The following FMN2 variants were observed in gnomAD, a reference collection of about 807,000 sequenced individuals.
The protein encoded by FMN2 is formin-2.
Under a neutral mutation model 142.3 loss-of-function variants are expected in FMN2, and 51 were observed. The ratio of observed to expected loss-of-function variants is 0.36; its 90% CI spans 0.29 to 0.45. The LOEUF (loss-of-function observed/expected upper bound fraction) is 0.45, where lower values mean the gene tolerates loss of function less well. Ranked by LOEUF, FMN2 falls within the 20% of genes least tolerant of loss-of-function variation. The pLI, the probability that FMN2 is intolerant of heterozygous loss-of-function variation, is 1.00. For synonymous variants in FMN2, 882 were observed against 869.8 expected (o/e 1.01, Z -0.25); for missense variants, 1,936 against 2,122.8 (o/e 0.91, Z 1.73).
At chr1:240,221,458 C>G (rs574724812) in intron 6 of FMN2, among the ~76,000 whole-genome samples, 1 of 152,176 alleles carries the variant, frequency 6.6e-6, no homozygotes, top group African/African-American at 2.4e-5. Flanking sequence ...TTGCATTTCT[C>G]TAATGACCAG....
chr1:240,430,950 C>T (rs1396022994), intron 15 of FMN2, among the ~76,000 whole-genome samples: 1 of 146,456 alleles, frequency 6.8e-6, no homozygotes, highest in African/African-American at 2.6e-5. Context: ...TACATTTTTA[C>T]ATAAATTTTA....
At chr1:240,110,030 C>A (rs1032479713) in intron 1 of FMN2, among the ~76,000 whole-genome samples, 3 of 152,124 alleles carry the variant, frequency 2.0e-5, no homozygotes, top group African/African-American at 7.2e-5. Flanking sequence ...TTAATTAAGG[C>A]AGTGTGTTCT....
chr1:240,359,337 A>G (rs914555914), intron 14 of FMN2, among the ~76,000 whole-genome samples: 2 of 152,204 alleles, frequency 1.3e-5, no homozygotes, highest in Non-Finnish European at 2.9e-5. Context: ...ATTCATTTAT[A>G]TGGGTATGAT....
intron 1 of FMN2, among the ~76,000 whole-genome samples, chr1:240,121,386 T>A (rs926881726): frequency 1.1e-4 from 16 of 150,824 alleles, no homozygotes; most frequent in East Asian, 3.9e-4. Context: ...TTTTTATTTT[T>A]TTTTTTTTGA....
chr1:240,269,298 G>A (rs951841857), intron 7 of FMN2, among the ~76,000 whole-genome samples: 3 of 151,832 alleles, frequency 2.0e-5, no homozygotes, highest in Admixed American at 6.6e-5. Flanking sequence ...TATTAAATAG[G>A]CTGTCCTTTC....
At chr1:240,374,194 T>G (rs746025684) in intron 14 of FMN2, among the ~76,000 whole-genome samples, 1 of 152,180 alleles carries the variant, frequency 6.6e-6, no homozygotes, top group Non-Finnish European at 1.5e-5. Flanking sequence ...CATCCAGGCT[T>G]TGTTCTTCCA....
intron 8 of FMN2, among the ~76,000 whole-genome samples, chr1:240,323,029 T>A (rs1332864450): frequency 6.6e-6 from 1 of 152,152 alleles, no homozygotes; most frequent in Non-Finnish European, 1.5e-5. Context: ...GGCTGGTTCA[T>A]CATTGTTGAA....
At position 240,151,915 on chromosome 1, in the gene FMN2, C is replaced by T. The variant is rs181138046; in HGVS notation, c.1783-26006C>T. On this transcript the variant is annotated intron_variant, in intron 2 of 17. Transcript: ENST00000319653. Reference sequence around the variant, plus strand: ...CCTAGTAGCTGGGACTGCAGATGTGCACCACCTAGCCAATCTAATTTTTTT... The same window carrying T: ...CCTAGTAGCTGGGACTGCAGATGTGTACCACCTAGCCAATCTAATTTTTTT... Among the ~76,000 whole-genome samples the T allele has an allele frequency of 3.9e-5, 6 of 152,156 alleles. No homozygotes were observed. In the East Asian group the frequency reaches 1.2e-3, roughly 30 times the overall value.
intron 2 of FMN2, among the ~76,000 whole-genome samples, chr1:240,146,204 A>G (rs78280985): frequency 0.16 from 23,649 of 147,260 alleles, 2,310 homozygotes; most frequent in Middle Eastern, 0.25. Flanking sequence ...TAACATGGAG[A>G]AACCCCGTCT....
chr1:240,343,021 T>C (rs78694845), intron 13 of FMN2, among the ~76,000 whole-genome samples: 1,627 of 152,276 alleles, frequency 0.011, 13 homozygotes, highest in South Asian at 0.024. Flanking sequence ...CAAAGTTACC[T>C]ATCCTGTGAC....
chr1:240,170,254 C>T, intron 2 of FMN2: 1 of 1,221,284 alleles, frequency 8.2e-7, no homozygotes, highest in Non-Finnish European at 1.2e-6. Context: ...AGAGGTGGCA[C>T]CCCTAAAGGC....
Position 240,207,285 on chromosome 1 carries a change from C to G in FMN2, c.2473C>G (p.Pro825Ala), listed in dbSNP as rs1162480611. 1 of 1,613,842 alleles carries G rather than the reference C, an allele frequency of 6.2e-7. No homozygotes were observed. The highest frequency in any genetic ancestry group is 1.3e-5 in the African/African-American group (1 of 74,854). ...SLLWSAGQGQ[P>A]GSQPPHSIST... is the part of the protein sequence containing the mutation. ...TCTGTGGTCTGCTGGGCAAGGACAG[C>G]CTGGGTCACAGCCGCCCCATTCTAT... is the stretch of plus-strand genomic sequence containing the variant. Residue 825 changes from proline to alanine, a missense_variant, in exon 5 of 18, where the codon CCT (proline) becomes GCT (alanine). This residue lies in a region of FMN2 where 478 missense variants were observed against 462.8 expected (regional missense o/e 1.03). Transcript: ENST00000319653.
intron 15 of FMN2, among the ~76,000 whole-genome samples, chr1:240,433,712 A>G (rs893321232): frequency 6.6e-6 from 1 of 152,078 alleles, no homozygotes; most frequent in Admixed American, 6.5e-5. Flanking sequence ...TTTCAGGAAT[A>G]CCTTTTTGTA....
At chr1:240,247,384 C>T (rs1460079043) in intron 6 of FMN2, among the ~76,000 whole-genome samples, 1 of 151,990 alleles carries the variant, frequency 6.6e-6, no homozygotes, top group Non-Finnish European at 1.5e-5. Context: ...TGCCTGTAAC[C>T]TCAGCTCCTC....
intron 1 of FMN2, among the ~76,000 whole-genome samples, chr1:240,122,443 T>C (rs985649587): frequency 1.3e-5 from 2 of 151,952 alleles, no homozygotes; most frequent in African/African-American, 4.8e-5. Context: ...CCACCACGCC[T>C]GGCTATTTTT....
chr1:240,273,302 T>G (rs530241588), intron 7 of FMN2, among the ~76,000 whole-genome samples: 1 of 152,294 alleles, frequency 6.6e-6, no homozygotes, highest in African/African-American at 2.4e-5. Context: ...TTGCAACAAC[T>G]GTATGAGGCA....
intron 4 of FMN2, among the ~76,000 whole-genome samples, chr1:240,194,273 G>A (rs1381785275): frequency 6.6e-6 from 1 of 152,162 alleles, no homozygotes; most frequent in East Asian, 1.9e-4. Context: ...TAGTGGTTGA[G>A]GATCTGGGCT....
chr1:240,445,440 A>C (rs1675772409), intron 16 of FMN2, among the ~76,000 whole-genome samples: 1 of 152,214 alleles, frequency 6.6e-6, no homozygotes, highest in African/African-American at 2.4e-5. Flanking sequence ...AAGAGGCAGC[A>C]TTGCTGTGGA....
At chr1:240,236,291 G>T (rs1667707117) in intron 6 of FMN2, among the ~76,000 whole-genome samples, 1 of 152,114 alleles carries the variant, frequency 6.6e-6, no homozygotes, top group Non-Finnish European at 1.5e-5. Context: ...GTTCAGAATG[G>T]AAGCTTTTAG....
Sources: gnomAD v4.1 joint callset for allele counts (sites outside exome capture counted in the v4.1 genomes callset) on GRCh38, gnomAD v4.1.1 for gene constraint, gnomAD v4.1.1 regional missense constraint, MANE v1.5 for transcripts, NCBI Gene and HGNC (gene_info 2026-07-23, HGNC 2026-07-21) for gene names.